Variants in CARD14 observed in about 807,000 individuals in gnomAD.
CARD14 encodes the protein caspase recruitment domain-containing protein 14.
In CARD14, 107 loss-of-function variants were observed where a neutral mutation model predicts 111.5. The ratio of observed to expected loss-of-function variants is 0.96; its 90% confidence interval spans 0.82 to 1.13. CARD14 has a LOEUF of 1.13. Ranked by LOEUF, CARD14 falls within the 50% of genes most tolerant of loss-of-function variation. CARD14 has a pLI of 0.00. For synonymous variants in CARD14, 617 were observed against 579.6 expected, an observed-to-expected ratio of 1.06 and a Z score of -0.93; for missense variants, 1,322 against 1,362.3, an observed-to-expected ratio of 0.97 and a Z score of 0.47.
chr17:80,193,668 A>G lies in CARD14; in HGVS notation c.1356+1049A>G, dbSNP rs373500896. ...TGGTGTTTCCTTCCTGGACCATCCC[A>G]TCAGTGGCCCAAGAGCAGCAGGCCC... On this transcript the variant is annotated intron_variant, in intron 12 of 23. Coordinates refer to ENST00000648509, the MANE Select transcript of CARD14 (RefSeq NM_001366385.1). Among the ~76,000 whole-genome samples the G allele has an allele frequency of 3.0e-4, 45 of 152,256 alleles. No homozygotes were observed. The South Asian group carries it at 8.9e-3, about 30-fold the overall frequency.
chr17:80,174,085 C>A (rs2039970327), intron 2 of CARD14, among the ~76,000 whole-genome samples: 1 of 152,126 alleles, frequency 6.6e-6, no homozygotes, highest in Admixed American at 6.5e-5. Context: ...GACCTGTAAT[C>A]ATTGCACTTA....
Position 80,201,706 on chromosome 17 carries a change from C to T in CARD14, c.1852-38C>T. Reference sequence around the variant, plus strand: ...CTGTCTTCTGGCTGGATTCAGAGTCCCGGGGGAAAGAGACTGACCTTCTCG... The same window carrying T: ...CTGTCTTCTGGCTGGATTCAGAGTCTCGGGGGAAAGAGACTGACCTTCTCG... On this transcript the variant is annotated intron_variant, in intron 16 of 23. Transcript: ENST00000648509. This position sits in a 1 kb window ranked among gnomAD's most constrained non-coding sequence, Gnocchi z 5.0. The T allele has an allele frequency of 6.2e-7, 1 of 1,612,764 alleles. No individual in the cohort carries two copies. The highest frequency in any genetic ancestry group is 8.5e-7 in the Non-Finnish European group (1 of 1,179,330).
At chr17:80,187,802 C>G in intron 7 of CARD14, 8 of 985,426 alleles carry the variant, frequency 8.1e-6, no homozygotes, top group Non-Finnish European at 9.6e-6. Context: ...GGGCTGCTGT[C>G]CAGAGGAAGG....
At chr17:80,172,392 T>G (rs1366712786) in intron 1 of CARD14, among the ~76,000 whole-genome samples, 4 of 152,194 alleles carry the variant, frequency 2.6e-5, no homozygotes, top group Admixed American at 2.6e-4. Flanking sequence ...AATCCTGCCC[T>G]GAGGGGAAGA....
intron 4 of CARD14, among the ~76,000 whole-genome samples, chr17:80,180,530 C>T (rs554468886): frequency 9.9e-5 from 15 of 152,282 alleles, no homozygotes; most frequent in Admixed American, 2.6e-4. Flanking sequence ...TGTCCTGGGC[C>T]GCTGCAAACA....
In CARD14 at chr17:80,207,096, G is replaced by A. The variant is rs774791093; in HGVS notation, c.2807+11G>A. ...GGCAAAGAAGCTCAAGTAGGTGCACGCTGGGGGCTGGGCAGGGGCTTCGAA... is the reference window on the plus strand; with the variant it reads ...GGCAAAGAAGCTCAAGTAGGTGCACACTGGGGGCTGGGCAGGGGCTTCGAA... On this transcript the variant is annotated intron_variant, in intron 23 of 23. Coordinates refer to ENST00000648509, the MANE Select transcript of CARD14 (RefSeq NM_001366385.1). 1.9e-6 allele frequency: 3 copies of A among 1,596,498 alleles called. No individual in the cohort carries two copies. Among genetic ancestry groups the A allele is most frequent in the Non-Finnish European group, 2.6e-6 (3 of 1,164,716 alleles).
At chr17:80,175,803 G>A (rs922214459) in intron 2 of CARD14, among the ~76,000 whole-genome samples, 42 of 151,816 alleles carry the variant, frequency 2.8e-4, no homozygotes, top group African/African-American at 8.7e-4. Context: ...GGTGTCCCAC[G>A]CACTGTGGAC....
intron 23 of CARD14, among the ~76,000 whole-genome samples, chr17:80,207,908 G>A (rs1348113011): frequency 2.6e-5 from 4 of 151,936 alleles, no homozygotes; most frequent in Non-Finnish European, 5.9e-5. Flanking sequence ...CCTGGGGACA[G>A]ACCAAGATGT....
At chr17:80,200,423 G>A (rs935028031) in intron 16 of CARD14, among the ~76,000 whole-genome samples, 2 of 151,790 alleles carry the variant, frequency 1.3e-5, no homozygotes, top group Non-Finnish European at 2.9e-5. Context: ...TTTTAGTAGA[G>A]ACAGGGCTTC....
intron 12 of CARD14, among the ~76,000 whole-genome samples, chr17:80,194,321 G>C (rs1203438863): frequency 6.6e-6 from 1 of 152,182 alleles, no homozygotes; most frequent in Non-Finnish European, 1.5e-5. Context: ...CCTGTCCTCA[G>C]ATGTACATCT....
At chr17:80,190,353 G>A (rs1305345943) in intron 9 of CARD14, among the ~76,000 whole-genome samples, 2 of 151,990 alleles carry the variant, frequency 1.3e-5, no homozygotes, top group South Asian at 2.1e-4. Context: ...GGTGGCCCAC[G>A]CATGTAGTCA....
chr17:80,186,227 A>T (rs1264549265), intron 7 of CARD14, among the ~76,000 whole-genome samples: 1 of 151,206 alleles, frequency 6.6e-6, no homozygotes, highest in Non-Finnish European at 1.5e-5. Context: ...ACTTTGGACC[A>T]GGCCAGCCCA....
chr17:80,178,737 A>G (rs972415023), intron 3 of CARD14, 82 bp downstream of exon 3: 2 of 152,030 alleles, frequency 1.3e-5, no homozygotes, highest in African/African-American at 2.4e-5. Context: ...ATCATTTTCC[A>G]TGTTTTATTT....
rs2040180406 is a variant in CARD14, at chr17:80,181,645, G to C, written c.207G>C (p.Arg69=). ...HSPRLTNSAM[R]AGHLLDLLKT... is the part of the protein sequence containing the mutation. ...CCCGGCTCACCAACAGCGCCATGCGGGCCGGTGAGCGCAGCTCCCTCTTCC... is the reference window on the plus strand; with the variant it reads ...CCCGGCTCACCAACAGCGCCATGCGCGCCGGTGAGCGCAGCTCCCTCTTCC... Residue 69 remains arginine, a synonymous_variant, in exon 5 of 24, where the codon CGG becomes CGC. Coordinates refer to ENST00000648509, the MANE Select transcript of CARD14 (RefSeq NM_001366385.1). The C allele has an allele frequency of 1.3e-6, 2 of 1,546,264 alleles. No individual in the cohort carries two copies. Among genetic ancestry groups the C allele is most frequent in the South Asian group, 1.2e-5 (1 of 83,928 alleles).
intron 12 of CARD14, among the ~76,000 whole-genome samples, chr17:80,193,688 A>C (rs1486769747): frequency 6.6e-6 from 1 of 152,188 alleles, no homozygotes; most frequent in African/African-American, 2.4e-5. Flanking sequence ...CAAGAGCAGC[A>C]GGCCCAGGCT....
At chr17:80,179,788 C>T (rs928024935) in intron 4 of CARD14, among the ~76,000 whole-genome samples, 19 of 152,132 alleles carry the variant, frequency 1.2e-4, no homozygotes, top group African/African-American at 4.1e-4. Context: ...GCCACGATCA[C>T]GCTACTGCGT....
At position 80,201,675 on chromosome 17, in the gene CARD14, C is replaced by T. The variant is rs996145672; in HGVS notation, c.1852-69C>T. The T allele has an allele frequency of 1.8e-5, 28 of 1,575,666 alleles. No homozygotes were observed. The highest frequency in any genetic ancestry group is 4.5e-5 in the East Asian group (2 of 44,686). ...CCGCGCCTCGCCTCAGTGCCCTCAG[C>T]GCCTTCTGTCTTCTGGCTGGATTCA... On this transcript the variant is annotated intron_variant, in intron 16 of 23. Transcript: ENST00000648509. This position sits in a 1 kb window ranked among gnomAD's most constrained non-coding sequence, Gnocchi z 5.0.
At chr17:80,179,782 C>T (rs966694390) in intron 4 of CARD14, among the ~76,000 whole-genome samples, 6 of 152,110 alleles carry the variant, frequency 3.9e-5, no homozygotes, top group African/African-American at 7.2e-5. Context: ...CAGTGAGCCA[C>T]GATCACGCTA....
At position 80,198,090 on chromosome 17, in the gene CARD14, T is replaced by A; in HGVS notation, c.1595-9T>A. The A allele has an allele frequency of 6.2e-7, 1 of 1,613,150 alleles. No homozygotes were observed. The highest frequency in any genetic ancestry group is 8.5e-7 in the Non-Finnish European group (1 of 1,179,820). On this transcript the variant is annotated splice_polypyrimidine_tract_variant and intron_variant, in intron 14 of 23. Transcript: ENST00000648509. The surrounding 1 kb of genome is among the most constrained non-coding windows in gnomAD (Gnocchi z 7.5). The stretch of plus-strand genomic sequence containing the variant: ...GACCAAGATCTGTGAGCTCTTGGCT[T>A]CCTCCCAGACCTTCCGCAGCTGGAA...
Sources: allele counts gnomAD v4.1 joint callset (sites outside exome capture counted in the v4.1 genomes callset), GRCh38; gene constraint gnomAD v4.1.1; non-coding constraint Gnocchi (gnomAD v3.1); transcripts MANE v1.5; gene names NCBI Gene and HGNC (gene_info 2026-07-23, HGNC 2026-07-21).